STAG1: variants seen among roughly 807,000 people sequenced by gnomAD.
STAG1 encodes the protein STAG1 cohesin complex component.
Under a neutral mutation model 170.9 loss-of-function variants are expected in STAG1, and 26 were observed. The ratio of observed to expected loss-of-function variants is 0.15; its 90% CI spans 0.11 to 0.21. STAG1 has a LOEUF of 0.21. Ranked by LOEUF, STAG1 falls within the 10% of genes least tolerant of loss-of-function variation. The pLI is 1.00. For synonymous variants in STAG1, 514 were observed against 497.7 expected (o/e 1.03, Z -0.44); for missense variants, 964 against 1,509.5 (o/e 0.64, Z 5.99).
intron 10 of STAG1, among the ~76,000 whole-genome samples, chr3:136,475,268 T>C (rs2089720869): frequency 1.3e-5 from 2 of 148,404 alleles, no homozygotes; most frequent in South Asian, 4.5e-4. Flanking sequence ...TGTCTCAGCC[T>C]CCCGAGTAGC....
intron 1 of STAG1, among the ~76,000 whole-genome samples, chr3:136,639,234 C>A (rs1166875393): frequency 1.3e-5 from 2 of 149,738 alleles, no homozygotes; most frequent in African/African-American, 2.5e-5. Flanking sequence ...ATTCCAGAAG[C>A]TGAAGTGGGA....
chr3:136,612,358 G>A (rs907484729), intron 3 of STAG1, among the ~76,000 whole-genome samples: 5 of 151,912 alleles, frequency 3.3e-5, no homozygotes, highest in Non-Finnish European at 5.9e-5. Context: ...TCTAATCCCC[G>A]TACATTGAGA....
At chr3:136,525,281 T>C (rs576933714) in intron 6 of STAG1, among the ~76,000 whole-genome samples, 1 of 152,334 alleles carries the variant, frequency 6.6e-6, no homozygotes, top group African/African-American at 2.4e-5. Context: ...GAACCTGTTA[T>C]TGGTCTATTC....
chr3:136,554,037 AG>A (rs1936514265), intron 5 of STAG1, among the ~76,000 whole-genome samples: 1 of 152,158 alleles, frequency 6.6e-6, no homozygotes, highest in African/African-American at 2.4e-5. Context: ...GAACAATAAA[AG>A]GAAAAAAAAA....
At chr3:136,445,213 C>A (rs568722234) in intron 14 of STAG1, among the ~76,000 whole-genome samples, 1 of 152,146 alleles carries the variant, frequency 6.6e-6, no homozygotes, top group East Asian at 1.9e-4. Context: ...TACTGATTAG[C>A]ATCTTTGCTT....
intron 9 of STAG1, among the ~76,000 whole-genome samples, chr3:136,478,938 G>A (rs914156876): frequency 6.6e-6 from 1 of 151,886 alleles, no homozygotes; most frequent in Admixed American, 6.6e-5. Flanking sequence ...TAAAATAGTG[G>A]TAATAATACC....
At chr3:136,666,568 A>T (rs2107870780) in intron 1 of STAG1, among the ~76,000 whole-genome samples, 1 of 152,338 alleles carries the variant, frequency 6.6e-6, no homozygotes, top group East Asian at 1.9e-4. Context: ...CTGTAATCCT[A>T]GCACTTTGGG....
intron 22 of STAG1, among the ~76,000 whole-genome samples, chr3:136,380,407 A>G (rs563696834): frequency 2.0e-5 from 3 of 151,980 alleles, no homozygotes; most frequent in African/African-American, 7.2e-5. Context: ...ATACCTGGCT[A>G]ATTTTTGTAT....
At chr3:136,467,504 TAAAG>T (rs1214382932) in intron 12 of STAG1, among the ~76,000 whole-genome samples, 6 of 152,002 alleles carry the variant, frequency 3.9e-5, no homozygotes, top group African/African-American at 9.7e-5. Flanking sequence ...CCCAGATTCA[TAAAG>T]AAAGTCCTAA....
chr3:136,725,523 T>C (rs1467604634), intron 1 of STAG1, among the ~76,000 whole-genome samples: 2 of 152,206 alleles, frequency 1.3e-5, no homozygotes, highest in Non-Finnish European at 2.9e-5. Context: ...TTGCTAGTAA[T>C]AACGCCAATT....
intron 1 of STAG1, among the ~76,000 whole-genome samples, chr3:136,665,468 T>G (rs1941726889): frequency 6.6e-6 from 1 of 152,106 alleles, no homozygotes; most frequent in Non-Finnish European, 1.5e-5. Context: ...AGGTATGATA[T>G]AATCAAACAG....
At chr3:136,683,825 G>A (rs776945830) in intron 1 of STAG1, among the ~76,000 whole-genome samples, 1 of 152,124 alleles carries the variant, frequency 6.6e-6, no homozygotes, top group African/African-American at 2.4e-5. Flanking sequence ...AAAACTCTTT[G>A]AACTAAAAAG....
chr3:136,528,030 T>TCC (rs1414200146), intron 6 of STAG1, among the ~76,000 whole-genome samples: 2 of 152,062 alleles, frequency 1.3e-5, no homozygotes, highest in Non-Finnish European at 2.9e-5. Context: ...TACTTGGGGG[T>TCC]CAGGGACCCA....
Position 136,343,843 on chromosome 3 carries a change from G to T in STAG1, c.3435C>A (p.Asp1145Glu), listed in dbSNP as rs747646536. 6.5e-6 allele frequency: 10 copies of T among 1,549,232 alleles called. No homozygotes were observed. Among genetic ancestry groups the T allele is most frequent in the African/African-American group, 1.4e-5 (1 of 71,976 alleles). Reference sequence around the variant, plus strand: ...TTTTTGCTACTTACTTGTGTAAAAAGTCTGGTTCAGAACCATGTTCAGACT... The same window carrying T: ...TTTTTGCTACTTACTTGTGTAAAAATTCTGGTTCAGAACCATGTTCAGACT... ...EPESEHGSEPDFLHNPQMQIS... is the reference protein window; with the variant it reads ...EPESEHGSEPEFLHNPQMQIS... Residue 1145 changes from aspartate to glutamate, a missense_variant, in exon 30 of 34, where the codon GAC becomes GAA. Physicochemically the swap from Asp to Glu is conservative, Grantham distance 45. This residue lies in a region of STAG1 where 122 missense variants were observed against 129.0 expected (regional missense o/e 0.95). Transcript: ENST00000383202.
Position 136,366,337 on chromosome 3 carries a change from C to T in STAG1, c.2685+606G>A, listed in dbSNP as rs140515472. The stretch of plus-strand genomic sequence containing the variant: ...ATGGCATGAACACATGGCAGTCATT[C>T]ATTATCAGTATGCTACATTATATTA... On this transcript the variant is annotated intron_variant, in intron 25 of 33. Coordinates refer to ENST00000383202, the MANE Select transcript of STAG1 (RefSeq NM_005862.3). 2.5e-3 allele frequency among the ~76,000 whole-genome samples: 374 copies of T among 152,194 alleles called. 2 individuals carry two copies. The highest frequency in any genetic ancestry group is 8.5e-3 in the African/African-American group (354 of 41,548).
intron 13 of STAG1, among the ~76,000 whole-genome samples, chr3:136,461,901 T>C (rs2089284856): frequency 6.6e-6 from 1 of 152,104 alleles, no homozygotes. Flanking sequence ...TGAACGGACA[T>C]TTCTCAAAGG....
intron 28 of STAG1, among the ~76,000 whole-genome samples, chr3:136,356,406 C>T (rs548843379): frequency 4.0e-4 from 61 of 152,226 alleles, no homozygotes; most frequent in African/African-American, 1.4e-3. Flanking sequence ...TTGACACAGG[C>T]TCCCCAGGCT....
chr3:136,395,343 C>T (rs932677589), intron 22 of STAG1, among the ~76,000 whole-genome samples: 3 of 152,102 alleles, frequency 2.0e-5, no homozygotes, highest in Non-Finnish European at 2.9e-5. Context: ...AAAATTTAGG[C>T]TGGGCACAGT....
intron 29 of STAG1, 118 bp from the exon 30 acceptor site, chr3:136,344,124 A>G: frequency 3.1e-6 from 2 of 653,622 alleles, no homozygotes; most frequent in Non-Finnish European, 4.8e-6. Flanking sequence ...TTTAAATCTC[A>G]GTTCCACCAC....
Sources: allele counts gnomAD v4.1 joint callset (sites outside exome capture counted in the v4.1 genomes callset), GRCh38; gene constraint gnomAD v4.1.1; regional missense constraint gnomAD v4.1.1; transcripts MANE v1.5; gene names NCBI Gene and HGNC (gene_info 2026-07-23, HGNC 2026-07-21).